Variants in BCOR observed in about 807,000 individuals in gnomAD.
BCOR encodes BCL-6 corepressor.
In BCOR, 10 loss-of-function variants were observed where a neutral mutation model predicts 86.7. The observed-to-expected ratio is 0.12, with a 90% CI of 0.07 to 0.20. The LOEUF (loss-of-function observed/expected upper bound fraction) is 0.20. Among genes scored for constraint, BCOR ranks in the 10% least tolerant of loss-of-function variants. The pLI, the probability that BCOR is intolerant of heterozygous loss-of-function variation, is 1.00. For synonymous variants in BCOR, 611 were observed against 609.0 expected (o/e 1.00, Z -0.05); for missense variants, 1,259 against 1,452.1 (o/e 0.87, Z 2.16).
chrX:40,077,796 G>A, intron 2 of BCOR, 48 bp downstream of exon 2: 1 of 1,130,507 alleles, frequency 8.8e-7, no homozygotes, highest in African/African-American at 1.8e-5. Context: ...GGGGGCTTCA[G>A]CATGGGCGTG....
chrX:40,073,351 G>T lies in BCOR; in HGVS notation c.1995C>A (p.Gly665=), dbSNP rs781567558. The T allele has an allele frequency of 2.5e-6, 3 of 1,211,844 alleles. No homozygotes were observed. The highest frequency in any genetic ancestry group is 2.2e-6 in the Non-Finnish European group (2 of 895,231). ...GTAAGGAGAGGGGACTTACAGCAATGCCCTCAGGGGCTGGGTAAGGGAGGT... is the reference window on the plus strand; with the variant it reads ...GTAAGGAGAGGGGACTTACAGCAATTCCCTCAGGGGCTGGGTAAGGGAGGT... The part of the protein sequence containing the change: ...RSYLPYPAPE[G]IAVSPLSLHG... Residue 665 remains glycine, a synonymous_variant, in exon 4 of 15, where the codon GGC becomes GGA. Transcript: ENST00000378444.
intron 1 of BCOR, among the ~76,000 whole-genome samples, chrX:40,174,096 A>G (rs1938690432): frequency 8.8e-6 from 1 of 113,068 alleles, no homozygotes; most frequent in Non-Finnish European, 1.9e-5. Flanking sequence ...AGGGTCACCC[A>G]TAATTCATTA....
chrX:40,171,273 C>G (rs1938613564), intron 1 of BCOR, among the ~76,000 whole-genome samples: 1 of 112,587 alleles, frequency 8.9e-6, no homozygotes. Flanking sequence ...AGCCTGCAAA[C>G]CTCACGGATT....
intron 1 of BCOR, among the ~76,000 whole-genome samples, chrX:40,120,643 G>A (rs979432191): frequency 5.4e-5 from 6 of 111,488 alleles, no homozygotes; most frequent in African/African-American, 1.3e-4. Context: ...AACCACACCC[G>A]CAAATAACCA....
intron 1 of BCOR, among the ~76,000 whole-genome samples, chrX:40,150,657 C>T (rs984899848): frequency 5.4e-5 from 6 of 112,003 alleles, no homozygotes; most frequent in African/African-American, 1.6e-4. Flanking sequence ...TCTCTGGCTG[C>T]TGCAGATCCC....
intron 6 of BCOR, chrX:40,067,899 T>G (rs776840353): frequency 8.9e-6 from 1 of 111,828 alleles, no homozygotes; most frequent in Non-Finnish European, 1.9e-5. Context: ...CAGAAATTAC[T>G]CTTGAGGGCA....
intron 1 of BCOR, among the ~76,000 whole-genome samples, chrX:40,141,408 C>T (rs1475738299): frequency 8.9e-6 from 1 of 112,680 alleles, no homozygotes; most frequent in African/African-American, 3.2e-5. Context: ...AAACCAAGAG[C>T]AGAGGCTGGG....
chrX:40,147,425 G>A (rs1193648713), intron 1 of BCOR, among the ~76,000 whole-genome samples: 4 of 112,733 alleles, frequency 3.5e-5, no homozygotes, highest in African/African-American at 9.7e-5. Context: ...AGAAACCCGG[G>A]GATATTTCTG....
intron 1 of BCOR, among the ~76,000 whole-genome samples, chrX:40,087,288 T>G (rs772146721): frequency 8.8e-6 from 1 of 113,287 alleles, no homozygotes; most frequent in African/African-American, 3.2e-5. Flanking sequence ...GTCTCCTTTA[T>G]GATTTTTGGT....
chrX:40,116,590 T>G (rs950616483), intron 1 of BCOR, among the ~76,000 whole-genome samples: 1 of 111,698 alleles, frequency 9.0e-6, no homozygotes, highest in East Asian at 2.8e-4. Context: ...TTTGCCTGCT[T>G]GCCTGGAAGC....
Position 40,147,980 on chromosome X carries a change from GGGTTT to G in BCOR, c.-41+29022_-41+29026del, listed in dbSNP as rs200866122. Among the ~76,000 whole-genome samples the G allele has an allele frequency of 7.7e-3, 857 of 112,010 alleles. 10 individuals carry two copies. Among genetic ancestry groups the G allele is most frequent in the African/African-American group, 0.027 (822 of 30,870 alleles). ...TCCTTGAGCCCAGGACAAAGGTAGC[GGGTTT>G]GAGGAGCTCGGACTGTTCTCAGGGC... On this transcript the variant is annotated intron_variant, in intron 1 of 14. Transcript: ENST00000342274.
chrX:40,053,870 T>C lies in BCOR; in HGVS notation c.4976+16A>G. ...GCAGCTCAGCTAGTTTTCAATCACA[T>C]GACAGCCATGCTCACCCCTGAGCCA... is the stretch of plus-strand genomic sequence containing the variant. On this transcript the variant is annotated intron_variant, in intron 14 of 14. Transcript: ENST00000378444. 8.3e-7 allele frequency: 1 copy of C among 1,210,175 alleles called. No individual in the cohort carries two copies. The highest frequency in any genetic ancestry group is 1.1e-6 in the Non-Finnish European group (1 of 894,467).
At chrX:40,099,273 C>T (rs1180099519), upstream of BCOR, among the ~76,000 whole-genome samples, 1 of 111,937 alleles carries the variant, frequency 8.9e-6, no homozygotes, top group Admixed American at 9.3e-5. Flanking sequence ...CCGGCCTCCC[C>T]GGAGCGCAAA....
intron 1 of BCOR, among the ~76,000 whole-genome samples, chrX:40,125,922 TGGGAGTC>T (rs1937532719): frequency 9.0e-6 from 1 of 111,182 alleles, no homozygotes; most frequent in African/African-American, 3.3e-5. Flanking sequence ...AAGAATCATC[TGGGAGTC>T]GGCCAGGCGC....
chrX:40,130,225 T>C (rs1937588735), intron 1 of BCOR, among the ~76,000 whole-genome samples: 1 of 111,164 alleles, frequency 9.0e-6, no homozygotes, highest in South Asian at 3.8e-4. Context: ...ATTCCCTCCT[T>C]GTGGTCACAC....
chrX:40,113,323 C>T (rs1037204800), intron 1 of BCOR, among the ~76,000 whole-genome samples: 8 of 106,835 alleles, frequency 7.5e-5, no homozygotes, highest in African/African-American at 2.7e-4. Context: ...GGGAGGATTG[C>T]TTAACCCTGG....
intron 1 of BCOR, among the ~76,000 whole-genome samples, chrX:40,174,008 G>T (rs1938687991): frequency 8.8e-6 from 1 of 113,017 alleles, no homozygotes; most frequent in Non-Finnish European, 1.9e-5. Context: ...CTTTGAAATG[G>T]CGACTCTGGC....
chrX:40,139,456 CATAT>C (rs1163392804), intron 1 of BCOR, among the ~76,000 whole-genome samples: 23 of 689 alleles, frequency 0.033, 7 homozygotes, highest in Admixed American at 0.069. Flanking sequence ...AATATATATA[CATAT>C]ATATATATAT....
intron 9 of BCOR, 84 bp from the exon 10 acceptor site, chrX:40,062,477 A>C: frequency 9.0e-7 from 1 of 1,108,678 alleles, no homozygotes; most frequent in Non-Finnish European, 1.2e-6. Flanking sequence ...CCACGTGACA[A>C]ACCTGCGTGG....
Sources: gnomAD v4.1 joint callset for allele counts (sites outside exome capture counted in the v4.1 genomes callset) on GRCh38, gnomAD v4.1.1 for gene constraint, MANE v1.5 for transcripts, NCBI Gene and HGNC (gene_info 2026-07-23, HGNC 2026-07-21) for gene names.